Variants in RBFOX1 observed in about 807,000 individuals in gnomAD.
RBFOX1 encodes RNA binding fox-1 homolog 1.
A neutral mutation model predicts 57.7 loss-of-function variants in RBFOX1; 8 were observed. The ratio of observed to expected loss-of-function variants is 0.14; its 90% CI spans 0.08 to 0.25. The LOEUF (loss-of-function observed/expected upper bound fraction) is 0.25. Among genes scored for constraint, RBFOX1 ranks in the 10% least tolerant of loss-of-function variants. RBFOX1 has a pLI of 1.00. For missense variants in RBFOX1, 611 were observed against 548.5 expected (o/e 1.11, Z -1.14); for synonymous variants, 326 against 222.4 (o/e 1.47, Z -4.15).
At chr16:6,140,967 G>C (rs2096711355) in intron 1 of RBFOX1, among the ~76,000 whole-genome samples, 1 of 151,776 alleles carries the variant, frequency 6.6e-6, no homozygotes, top group African/African-American at 2.4e-5. Flanking sequence ...TTCTCCCCAA[G>C]CTCTCTGCAG....
At chr16:7,181,049 G>T (rs1685386911) in intron 4 of RBFOX1, among the ~76,000 whole-genome samples, 1 of 152,222 alleles carries the variant, frequency 6.6e-6, no homozygotes, top group Non-Finnish European at 1.5e-5. Context: ...ACCACAGTCA[G>T]CGAGGCTGAT....
At chr16:6,453,277 G>C (rs1405276841) in intron 2 of RBFOX1, among the ~76,000 whole-genome samples, 3 of 152,008 alleles carry the variant, frequency 2.0e-5, no homozygotes, top group Non-Finnish European at 2.9e-5. Flanking sequence ...CCCACCCCTT[G>C]ACAGGCCCCG....
chr16:6,602,039 AC>A (rs1250441549), intron 2 of RBFOX1, among the ~76,000 whole-genome samples: 2 of 152,140 alleles, frequency 1.3e-5, no homozygotes, highest in Non-Finnish European at 2.9e-5. Context: ...TGGTAGGAGA[AC>A]AAAGGCGTCC....
intron 4 of RBFOX1, among the ~76,000 whole-genome samples, chr16:7,487,240 C>G (rs940312538): frequency 5.9e-5 from 9 of 152,134 alleles, no homozygotes; most frequent in Non-Finnish European, 1.3e-4. Flanking sequence ...ACTGCCTCAC[C>G]TTGTTTCCTC....
chr16:6,156,977 C>A (rs1220924457), intron 1 of RBFOX1, among the ~76,000 whole-genome samples: 1 of 151,914 alleles, frequency 6.6e-6, no homozygotes, highest in Non-Finnish European at 1.5e-5. Flanking sequence ...GTTGCTGGGA[C>A]TGTAGGTGGG....
At chr16:5,690,829 A>T (rs1285395761) in intron 3 of RBFOX1, among the ~76,000 whole-genome samples, 1 of 152,150 alleles carries the variant, frequency 6.6e-6, no homozygotes, top group Non-Finnish European at 1.5e-5. Context: ...ATGAGTACAG[A>T]GTGTACTTCC....
chr16:6,757,267 A>G (rs945764282), intron 3 of RBFOX1, among the ~76,000 whole-genome samples: 1 of 152,164 alleles, frequency 6.6e-6, no homozygotes, highest in South Asian at 2.1e-4. Flanking sequence ...AAATAGAACT[A>G]CCATAAAATC....
At chr16:5,379,515 C>G (rs1039496418) in intron 1 of RBFOX1, among the ~76,000 whole-genome samples, 3 of 152,124 alleles carry the variant, frequency 2.0e-5, no homozygotes, top group African/African-American at 4.8e-5. Flanking sequence ...AGCACATGCT[C>G]TAGAAGTTCA....
At chr16:6,159,159 C>G (rs1314486546) in intron 1 of RBFOX1, among the ~76,000 whole-genome samples, 4 of 152,182 alleles carry the variant, frequency 2.6e-5, no homozygotes, top group African/African-American at 4.8e-5. Flanking sequence ...TCACTGCAAC[C>G]TCTGCCTCCC....
chr16:6,464,242 C>T (rs1324096654), intron 2 of RBFOX1, among the ~76,000 whole-genome samples: 2 of 152,098 alleles, frequency 1.3e-5, no homozygotes, highest in African/African-American at 2.4e-5. Context: ...CATTTTGGTA[C>T]TACTGTGAGT....
At chr16:6,414,613 C>T (rs925730111) in intron 2 of RBFOX1, among the ~76,000 whole-genome samples, 1 of 152,156 alleles carries the variant, frequency 6.6e-6, no homozygotes, top group Non-Finnish European at 1.5e-5. Flanking sequence ...AAGCTTATAT[C>T]CCACCCAAAT....
intron 1 of RBFOX1, among the ~76,000 whole-genome samples, chr16:5,328,048 C>T (rs570845561): frequency 6.6e-6 from 1 of 152,220 alleles, no homozygotes; most frequent in East Asian, 1.9e-4. Context: ...AAATGCAGCC[C>T]CCATGTTGCT....
chr16:7,091,209 G>C (rs4142923), intron 4 of RBFOX1, among the ~76,000 whole-genome samples: 49 of 151,570 alleles, frequency 3.2e-4, no homozygotes, highest in African/African-American at 1.1e-3. Flanking sequence ...TACATTCCAA[G>C]TACACTTCCT....
chr16:6,474,790 A>G (rs1190015579), intron 2 of RBFOX1, among the ~76,000 whole-genome samples: 1 of 152,224 alleles, frequency 6.6e-6, no homozygotes, highest in Admixed American at 6.5e-5. Context: ...CCTTAGATCT[A>G]AAAACTTAAA....
chr16:6,871,355 T>G (rs1043742747), intron 3 of RBFOX1, among the ~76,000 whole-genome samples: 3 of 152,080 alleles, frequency 2.0e-5, no homozygotes, highest in African/African-American at 7.2e-5. Context: ...CTGGCTAATT[T>G]TTGTATTTTT....
At chr16:6,908,744 C>T (rs1373116818) in intron 3 of RBFOX1, among the ~76,000 whole-genome samples, 1 of 152,192 alleles carries the variant, frequency 6.6e-6, no homozygotes, top group East Asian at 1.9e-4. Context: ...TTGTTCACCT[C>T]ATTGACTCAC....
intron 1 of RBFOX1, among the ~76,000 whole-genome samples, chr16:5,351,531 A>G (rs960936361): frequency 1.3e-5 from 2 of 152,222 alleles, no homozygotes; most frequent in African/African-American, 4.8e-5. Flanking sequence ...GCCCCCAGGC[A>G]TATATGAATG....
chr16:5,928,487 A>G (rs1365197890), intron 4 of RBFOX1, among the ~76,000 whole-genome samples: 4 of 152,062 alleles, frequency 2.6e-5, no homozygotes, highest in Non-Finnish European at 5.9e-5. Flanking sequence ...GTATGGATGT[A>G]TCAAAACATC....
At chr16:5,714,104 T>C (rs2051598226) in intron 3 of RBFOX1, among the ~76,000 whole-genome samples, 1 of 152,340 alleles carries the variant, frequency 6.6e-6, no homozygotes, top group East Asian at 1.9e-4. Context: ...ACAGAAGAGC[T>C]AGGGACTATC....
Sources: gnomAD v4.1 joint callset for allele counts (sites outside exome capture counted in the v4.1 genomes callset) on GRCh38, gnomAD v4.1.1 for gene constraint, MANE v1.5 for transcripts, NCBI Gene and HGNC (gene_info 2026-07-23, HGNC 2026-07-21) for gene names.